FAN1: variants seen among roughly 807,000 people sequenced by gnomAD.
FAN1 encodes the protein fanconi-associated nuclease 1.
Under a neutral mutation model 104.9 loss-of-function variants are expected in FAN1, and 91 were observed. The ratio of observed to expected loss-of-function variants is 0.87; its 90% CI spans 0.73 to 1.03. The LOEUF is 1.03. Ranked by LOEUF, FAN1 falls within the 50% of genes least tolerant of loss-of-function variation. The probability of loss-of-function intolerance (pLI) is 0.00; values close to 1 mark genes in which losing one functional copy is unlikely to be tolerated. For missense variants in FAN1, 1,263 were observed against 1,239.9 expected, an observed-to-expected ratio of 1.02 and a Z score of -0.28; for synonymous variants, 478 against 457.6, an observed-to-expected ratio of 1.04 and a Z score of -0.57.
At chr15:30,920,023 AT>A (rs1293681622) in intron 6 of FAN1, among the ~76,000 whole-genome samples, 6 of 152,208 alleles carry the variant, frequency 3.9e-5, no homozygotes, top group Admixed American at 1.3e-4. Context: ...CACATAGTGA[AT>A]ATTTTAGGCT....
At chr15:30,926,317 T>G (rs562337031) in intron 10 of FAN1, among the ~76,000 whole-genome samples, 3 of 152,298 alleles carry the variant, frequency 2.0e-5, no homozygotes, top group Admixed American at 1.3e-4. Flanking sequence ...GCCCCAGATA[T>G]CCTCTCAGGG....
At position 30,939,535 on chromosome 15, in the gene FAN1, ATAAAAG is replaced by A. The variant is rs918810246; in HGVS notation, c.*4-2028_*4-2023del. ...ATGATATAACAACTGTCCAGCAAAA[ATAAAAG>A]TATTTTACATTTGATTATCATACAA... On this transcript the variant is annotated intron_variant, in intron 14 of 14. Transcript: ENST00000362065. 4.1e-6 allele frequency: 4 copies of A among 976,082 alleles called. No individual in the cohort carries two copies. The Admixed American group carries it at 2.5e-4, about 60-fold the overall frequency. The allele number at this position is 976,082 out of a possible 1,614,324, so 60.5% of individuals were successfully genotyped here.
chr15:30,940,829 A>G (rs1397314706), intron 14 of FAN1: 17 of 988,576 alleles, frequency 1.7e-5, no homozygotes, highest in Non-Finnish European at 1.9e-5. Flanking sequence ...AGGCACTTCT[A>G]AGTTTAATTA....
intron 6 of FAN1, among the ~76,000 whole-genome samples, chr15:30,919,122 T>G (rs1487755960): frequency 1.3e-5 from 2 of 152,238 alleles, no homozygotes; most frequent in African/African-American, 4.8e-5. Flanking sequence ...GGCTCACGCC[T>G]GTAATCCCGG....
intron 3 of FAN1, among the ~76,000 whole-genome samples, chr15:30,908,793 A>G (rs1385239225): frequency 1.3e-5 from 2 of 152,210 alleles, no homozygotes; most frequent in Non-Finnish European, 2.9e-5. Flanking sequence ...GTGAGCTGAG[A>G]TTGCACCATT....
chr15:30,933,568 G>A lies in FAN1; in HGVS notation c.2916+2897G>A, dbSNP rs999480513. ...TATGGTATTCCCTGGTGAATATTCT[G>A]TTTGTACTTGAAAAGAATGTGTGTT... On this transcript the variant is annotated intron_variant, in intron 13 of 14. Transcript: ENST00000362065. Among the ~76,000 whole-genome samples the A allele has an allele frequency of 5.3e-5, 8 of 152,298 alleles. No homozygotes were observed. The East Asian group carries it at 1.5e-3, about 29-fold the overall frequency.
intron 14 of FAN1, chr15:30,939,364 C>G (rs2062961422): frequency 1.0e-6 from 1 of 985,358 alleles, no homozygotes; most frequent in South Asian, 4.7e-5. Flanking sequence ...TGAGCTCTCT[C>G]TAGTGCGCCC....
At position 30,941,714 on chromosome 15, in the gene FAN1, C is replaced by G; in HGVS notation, c.*152C>G. 1 of 1,613,864 alleles carries G rather than the reference C, an allele frequency of 6.2e-7. No individual in the cohort carries two copies. The highest frequency in any genetic ancestry group is 8.5e-7 in the Non-Finnish European group (1 of 1,179,866). Reference sequence around the variant, plus strand: ...CTCCAGGGGGCCACTGCGCTGTTGCCGCAGCATCCTGCTCAGTACGTCGAC... The same window carrying G: ...CTCCAGGGGGCCACTGCGCTGTTGCGGCAGCATCCTGCTCAGTACGTCGAC... On this transcript the variant is annotated 3_prime_UTR_variant, in exon 15 of 15. Coordinates refer to ENST00000362065, the MANE Select transcript of FAN1 (RefSeq NM_014967.5).
intron 12 of FAN1, among the ~76,000 whole-genome samples, chr15:30,929,911 TAATATATATC>T (rs2062646590): frequency 2.6e-5 from 1 of 38,692 alleles, no homozygotes; most frequent in Admixed American, 5.3e-4. Flanking sequence ...ATAAAATATA[TAATATATATC>T]ATATATAATA....
At chr15:30,937,446 ACT>A (rs1491269901) in intron 14 of FAN1, among the ~76,000 whole-genome samples, 187 bp downstream of exon 14, 1 of 135,434 alleles carries the variant, frequency 7.4e-6, no homozygotes, top group African/African-American at 2.7e-5. Context: ...TGGGTAATAA[ACT>A]TTTTTTTTTT....
intron 12 of FAN1, 87 bp downstream of exon 12, chr15:30,929,484 ATG>A: frequency 3.5e-6 from 3 of 867,778 alleles, no homozygotes; most frequent in Non-Finnish European, 5.3e-6. Context: ...CAAAATACAC[ATG>A]TGTGTATATG....
chr15:30,910,819 T>A lies in FAN1; in HGVS notation c.1577+4T>A. ...TTGGTGCAGTGATTTTAAAAAGGTT[T>A]TGTTGGCTATTGTTACAGTAAAAAC... On this transcript the variant is annotated splice_donor_region_variant and intron_variant, in intron 4 of 14. Transcript: ENST00000362065. 1 of 1,612,612 alleles carries A rather than the reference T, an allele frequency of 6.2e-7. No individual in the cohort carries two copies. The highest frequency in any genetic ancestry group is 8.5e-7 in the Non-Finnish European group (1 of 1,179,080).
chr15:30,910,675 C>A lies in FAN1; in HGVS notation c.1437C>A (p.Ser479=). Residue 479 remains serine, a synonymous_variant, in exon 4 of 15, where the codon TCC becomes TCA. Coordinates refer to ENST00000362065, the MANE Select transcript of FAN1 (RefSeq NM_014967.5). ...TCCTTTCTGCTCCTGAACTAAAATCCCTAGCCAAGACCTTCCACTTGGTGA... is the reference window on the plus strand; with the variant it reads ...TCCTTTCTGCTCCTGAACTAAAATCACTAGCCAAGACCTTCCACTTGGTGA... ...LELLSAPELK[S]LAKTFHLVNP... The A allele has an allele frequency of 6.2e-7, 1 of 1,613,684 alleles. No homozygotes were observed. The highest frequency in any genetic ancestry group is 8.5e-7 in the Non-Finnish European group (1 of 1,179,832).
chr15:30,936,300 A>G (rs117044771), intron 13 of FAN1, among the ~76,000 whole-genome samples: 517 of 152,274 alleles, frequency 3.4e-3, no homozygotes, highest in Non-Finnish European at 5.9e-3. Flanking sequence ...GAAAGGTAAG[A>G]AGTCAGGCAT....
At position 30,914,082 on chromosome 15, in the gene FAN1, ATCT is replaced by A; in HGVS notation, c.1804_1806del (p.Leu602del). ...ACCCACATCTTCCAAGACAGAGATG[ATCT>A]TATCAGGTAAGATGATGTTAGCTCA... On this transcript the variant is annotated inframe_deletion, in exon 5 of 15. Transcript: ENST00000362065. 3 of 1,609,212 alleles carry A rather than the reference ATCT, an allele frequency of 1.9e-6. No individual in the cohort carries two copies. The highest frequency in any genetic ancestry group is 2.6e-6 in the Non-Finnish European group (3 of 1,175,522).
intron 9 of FAN1, 126 bp from the exon 10 acceptor site, chr15:30,925,663 C>T (rs779591599): frequency 5.6e-5 from 60 of 1,074,950 alleles, no homozygotes; most frequent in East Asian, 1.4e-4. Context: ...GTGAGCCCCA[C>T]GCTGTGTGCT....
chr15:30,941,341 A>G lies in FAN1; in HGVS notation c.*4-225A>G, dbSNP rs551577956. 64 of 1,534,280 alleles carry G rather than the reference A, an allele frequency of 4.2e-5. No homozygotes were observed. In the African/African-American group the frequency reaches 6.7e-4, roughly 16 times the overall value. On this transcript the variant is annotated intron_variant, in intron 14 of 14. Coordinates refer to ENST00000362065, the MANE Select transcript of FAN1 (RefSeq NM_014967.5). ...AGCATGATTCAACATGTTTTTAAATATTAGTGCAAATTCCAACTATTATTC... is the reference window on the plus strand; with the variant it reads ...AGCATGATTCAACATGTTTTTAAATGTTAGTGCAAATTCCAACTATTATTC...
intron 5 of FAN1, 61 bp from the exon 6 acceptor site, chr15:30,918,103 A>G: frequency 2.6e-6 from 4 of 1,563,778 alleles, no homozygotes; most frequent in Non-Finnish European, 3.5e-6. Flanking sequence ...AGTGGCTAGG[A>G]TGTGGTCATT....
intron 3 of FAN1, among the ~76,000 whole-genome samples, chr15:30,909,362 A>G (rs2062048498): frequency 6.6e-6 from 1 of 152,138 alleles, no homozygotes; most frequent in African/African-American, 2.4e-5. Context: ...AGCTCAGTGA[A>G]GGCGCTTGGT....
Sources: allele counts gnomAD v4.1 joint callset (sites outside exome capture counted in the v4.1 genomes callset), GRCh38; gene constraint gnomAD v4.1.1; transcripts MANE v1.5; gene names NCBI Gene and HGNC (gene_info 2026-07-23, HGNC 2026-07-21).